Variants in NRCAM observed in about 807,000 individuals in gnomAD.
NRCAM encodes NgCAM-related cell adhesion molecule.
A neutral mutation model predicts 156.5 loss-of-function variants in NRCAM; 83 were observed. The ratio of observed to expected loss-of-function variants is 0.53; its 90% CI spans 0.44 to 0.64. NRCAM has a LOEUF of 0.64. Among genes scored for constraint, NRCAM ranks in the 30% least tolerant of loss-of-function variants. The probability of loss-of-function intolerance (pLI) is 0.00; values close to 1 mark genes in which losing one functional copy is unlikely to be tolerated. For synonymous variants in NRCAM, 538 were observed against 563.9 expected (o/e 0.95, Z 0.65); for missense variants, 1,417 against 1,597.3 (o/e 0.89, Z 1.92).
chr7:108,292,229 C>T (rs912695490), intron 3 of NRCAM, among the ~76,000 whole-genome samples: 1 of 152,170 alleles, frequency 6.6e-6, no homozygotes, highest in African/African-American at 2.4e-5. Flanking sequence ...CTAGACCTTG[C>T]ATGGCTACTA....
chr7:108,194,364 A>C lies in NRCAM; in HGVS notation c.1528T>G (p.Leu510Val). 1 of 1,613,622 alleles carries C rather than the reference A, an allele frequency of 6.2e-7. No homozygotes were observed. Among genetic ancestry groups the C allele is most frequent in the Non-Finnish European group, 8.5e-7 (1 of 1,179,640 alleles). Residue 510 changes from leucine (L) to valine (V), a missense_variant, in exon 16 of 33, where the codon TTG becomes GTG. Coordinates refer to ENST00000379028, the MANE Select transcript of NRCAM (RefSeq NM_001037132.4). ...TCCTTTTGGGCCACAGGAATTTCCA[A>C]AGTTCCATTTTCATGTAAAACATAA... ...DIYVLHENGTLEIPVAQKDST... is the reference protein window; with the variant it reads ...DIYVLHENGTVEIPVAQKDST...
intron 2 of NRCAM, among the ~76,000 whole-genome samples, chr7:108,317,010 T>G (rs1012244591): frequency 6.6e-6 from 1 of 152,096 alleles, no homozygotes; most frequent in African/African-American, 2.4e-5. Flanking sequence ...AAAAAGAAAA[T>G]GTGTCTTTTC....
chr7:108,274,702 T>C (rs889326871), intron 3 of NRCAM, among the ~76,000 whole-genome samples: 4 of 152,196 alleles, frequency 2.6e-5, no homozygotes, highest in Non-Finnish European at 4.4e-5. Context: ...CAATTTGACT[T>C]CCTCTTTTCC....
At chr7:108,299,138 G>GAAAGAAAGAAAGAAAGAAAGA (rs2098533935) in intron 3 of NRCAM, among the ~76,000 whole-genome samples, 2 of 81,834 alleles carry the variant, frequency 2.4e-5, no homozygotes, top group African/African-American at 9.3e-5. Flanking sequence ...AAGAAAGAAA[G>GAAAGAAAGAAAGAAAGAAAGA]AAAAGAAAAG....
intron 14 of NRCAM, among the ~76,000 whole-genome samples, chr7:108,196,426 A>G (rs2075138474): frequency 6.6e-6 from 1 of 152,238 alleles, no homozygotes; most frequent in African/African-American, 2.4e-5. Context: ...ACATTTGCAA[A>G]CCATGTATCT....
At chr7:108,382,803 C>T (rs2099707638) in intron 2 of NRCAM, among the ~76,000 whole-genome samples, 1 of 152,084 alleles carries the variant, frequency 6.6e-6, no homozygotes, top group South Asian at 2.1e-4. Context: ...CCCATATTGA[C>T]TCTGTAAAGT....
Position 108,189,663 on chromosome 7 carries a change from T to C in NRCAM, c.2017A>G (p.Asn673Asp), listed in dbSNP as rs770137393. Reference sequence around the variant, plus strand: ...CACATACTTGTAATGGGGCTATTGTTGTCATCGCCTGGGGTCCATGACAGC... The same window carrying C: ...CACATACTTGTAATGGGGCTATTGTCGTCATCGCCTGGGGTCCATGACAGC... ...VQLSWTPGDD[N>D]NSPITKFIIE... is the part of the protein sequence containing the mutation. The change falls in exon 20 of 33, where the codon AAC becomes GAC. Residue 673 changes from asparagine to aspartate, a missense_variant. Asn to Asp is a conservative substitution (Grantham distance 23, BLOSUM62 1). Transcript: ENST00000379028. The C allele has an allele frequency of 7.0e-7, 1 of 1,432,146 alleles. No individual in the cohort carries two copies. Among genetic ancestry groups the C allele is most frequent in the Non-Finnish European group, 9.8e-7 (1 of 1,016,666 alleles). The allele number at this position is 1,432,146 out of a possible 1,614,324, so 88.7% of individuals were successfully genotyped here.
chr7:108,321,686 C>T (rs10234922), intron 2 of NRCAM, among the ~76,000 whole-genome samples: 52,355 of 152,066 alleles, frequency 0.34, 9,792 homozygotes, highest in African/African-American at 0.5. Context: ...CTTTTTGAGA[C>T]TGAGGCTCAC....
At chr7:108,449,513 C>T (rs1306412708) in intron 1 of NRCAM, among the ~76,000 whole-genome samples, 1 of 152,176 alleles carries the variant, frequency 6.6e-6, no homozygotes, top group Non-Finnish European at 1.5e-5. Flanking sequence ...CAGCAGCGGA[C>T]TCGCTCGCAA....
At position 108,240,111 on chromosome 7, in the gene NRCAM, T is replaced by C. The variant is rs1562903613; in HGVS notation, c.-47A>G. ...TCACACACTGAATTTCCTTTTCTTCTTTCACAAAAGATTTTGTGAAACGTT... is the reference window on the plus strand; with the variant it reads ...TCACACACTGAATTTCCTTTTCTTCCTTCACAAAAGATTTTGTGAAACGTT... On this transcript the variant is annotated 5_prime_UTR_variant, in exon 4 of 33. Coordinates refer to ENST00000379028, the MANE Select transcript of NRCAM (RefSeq NM_001037132.4). 1 of 1,367,360 alleles carries C rather than the reference T, an allele frequency of 7.3e-7. No individual in the cohort carries two copies. Among genetic ancestry groups the C allele is most frequent in the Non-Finnish European group, 1.0e-6 (1 of 967,792 alleles). 84.7% of individuals were successfully genotyped at this position (1,367,360 alleles called of 1,614,324 possible). A position where few individuals can be genotyped will look rare whatever the true frequency, so the allele number is the denominator to read the frequency against.
chr7:108,378,709 C>T (rs1047228188), intron 2 of NRCAM, among the ~76,000 whole-genome samples: 1 of 141,816 alleles, frequency 7.1e-6, no homozygotes, highest in Admixed American at 7.1e-5. Flanking sequence ...ACACACACTA[C>T]GGTGAAATTT....
In NRCAM at chr7:108,180,219, A is replaced by G. The variant is rs2062737273; in HGVS notation, c.2851+4T>C. On this transcript the variant is annotated splice_donor_region_variant and intron_variant, in intron 25 of 32. Transcript: ENST00000379028. ...GAGATCTTAGAGACACGTCCATTCC[A>G]TACCTCCTTCTGGAGTATTAAAGAC... The G allele has an allele frequency of 1.2e-6, 2 of 1,613,690 alleles. No homozygotes were observed. Among genetic ancestry groups the G allele is most frequent in the Non-Finnish European group, 1.7e-6 (2 of 1,179,776 alleles).
At chr7:108,436,293 G>A (rs1230710602) in intron 1 of NRCAM, among the ~76,000 whole-genome samples, 1 of 152,120 alleles carries the variant, frequency 6.6e-6, no homozygotes, top group African/African-American at 2.4e-5. Context: ...TAAAGATTCT[G>A]AATAAGATGT....
At chr7:108,185,440 TAAA>T (rs1186498031) in intron 20 of NRCAM, among the ~76,000 whole-genome samples, 1 of 152,152 alleles carries the variant, frequency 6.6e-6, no homozygotes, top group African/African-American at 2.4e-5. Flanking sequence ...CTGAAGCTGT[TAAA>T]AATGACTGTC....
At chr7:108,421,781 G>C (rs1318832738) in intron 1 of NRCAM, among the ~76,000 whole-genome samples, 1 of 152,126 alleles carries the variant, frequency 6.6e-6, no homozygotes, top group Non-Finnish European at 1.5e-5. Context: ...CAATCATCTT[G>C]TATTTCTGAC....
intron 3 of NRCAM, among the ~76,000 whole-genome samples, chr7:108,270,236 T>C (rs770689221): frequency 6.6e-5 from 10 of 152,244 alleles, no homozygotes; most frequent in Admixed American, 1.3e-4. Context: ...AATCATTGTT[T>C]CTGGTACATC....
At chr7:108,350,641 T>A (rs1421302982) in intron 2 of NRCAM, among the ~76,000 whole-genome samples, 1 of 152,228 alleles carries the variant, frequency 6.6e-6, no homozygotes, top group African/African-American at 2.4e-5. Context: ...TTGTCTCACA[T>A]ACCCACTCCC....
chr7:108,263,654 AC>A (rs1219783014), intron 3 of NRCAM, among the ~76,000 whole-genome samples: 12 of 152,174 alleles, frequency 7.9e-5, no homozygotes, highest in African/African-American at 2.9e-4. Flanking sequence ...TCACATAGAA[AC>A]CACTTAGGAA....
intron 2 of NRCAM, among the ~76,000 whole-genome samples, chr7:108,353,648 T>A (rs2099448156): frequency 6.6e-6 from 1 of 152,272 alleles, no homozygotes; most frequent in Admixed American, 6.5e-5. Context: ...TGATTTATTG[T>A]CTGTTCCTTG....
Sources: allele counts gnomAD v4.1 joint callset (sites outside exome capture counted in the v4.1 genomes callset), GRCh38; gene constraint gnomAD v4.1.1; transcripts MANE v1.5; gene names NCBI Gene and HGNC (gene_info 2026-07-23, HGNC 2026-07-21).